The following SHROOM2 variants were observed in gnomAD, a reference collection of about 807,000 sequenced individuals.
SHROOM2 encodes shroom family member 2, also known as protein Shroom2.
Under a neutral mutation model 75.9 loss-of-function variants are expected in SHROOM2, and 33 were observed. That is an observed-to-expected ratio of 0.43 (90% confidence interval 0.33 to 0.58). SHROOM2 has a LOEUF of 0.58. Among genes scored for constraint, SHROOM2 ranks in the 20% least tolerant of loss-of-function variants. SHROOM2 has a pLI of 0.04. For missense variants in SHROOM2, 1,434 were observed against 1,461.2 expected, an observed-to-expected ratio of 0.98 and a Z score of 0.30; for synonymous variants, 655 against 663.6, an observed-to-expected ratio of 0.99 and a Z score of 0.20.
In SHROOM2 at chrX:9,851,454, TTTTTC is replaced by T. The variant is rs1422320851; in HGVS notation, c.166-22193_166-22189del. On this transcript the variant is annotated intron_variant, in intron 1 of 9. Coordinates refer to ENST00000380913, the MANE Select transcript of SHROOM2 (RefSeq NM_001649.4). ...TTTCAACCAGGATATTGCTTTTTTT[TTTTTC>T]TTTTTTTTTTGGATAGAGTCTCATT... Among the ~76,000 whole-genome samples, 159 of 75,470 alleles carry T rather than the reference TTTTTC, an allele frequency of 2.1e-3. 4 individuals are homozygous for T. Among genetic ancestry groups the T allele is most frequent in the Non-Finnish European group, 3.2e-3 (133 of 41,050 alleles). The allele number at this position is 75,470 out of a possible 115,157, so 65.5% of individuals were successfully genotyped here. A position where few individuals can be genotyped will look rare whatever the true frequency, so the allele number is the denominator to read the frequency against.
chrX:9,932,590 GATGTGT>G lies in SHROOM2; in HGVS notation c.3313_3318del (p.Tyr1105_Val1106del). 1.7e-6 allele frequency: 2 copies of G among 1,211,811 alleles called. No individual in the cohort carries two copies. Among genetic ancestry groups the G allele is most frequent in the Non-Finnish European group, 2.2e-6 (2 of 895,498 alleles). Reference sequence around the variant, plus strand: ...CCCAACGCCATCCCCTGCGTCCCTGGATGTGTATGTGGCCCGCCTGTCCCTCTCCCA... The same window carrying G: ...CCCAACGCCATCCCCTGCGTCCCTGGATGTGGCCCGCCTGTCCCTCTCCCA... On this transcript the variant is annotated inframe_deletion, in exon 6 of 10. Coordinates refer to ENST00000380913, the MANE Select transcript of SHROOM2 (RefSeq NM_001649.4).
intron 2 of SHROOM2, among the ~76,000 whole-genome samples, chrX:9,884,854 A>G (rs1052614596): frequency 9.0e-6 from 1 of 111,152 alleles, no homozygotes; most frequent in Non-Finnish European, 1.9e-5. Flanking sequence ...TGTCGATACC[A>G]TGGTGTTTTG....
chrX:9,789,511 G>A lies in SHROOM2; in HGVS notation c.165+2801G>A, dbSNP rs767132841. On this transcript the variant is annotated intron_variant, in intron 1 of 9. Transcript: ENST00000380913. ...TCCATGCTGTAGGAATCTATGTAACGGAAGTAGAGATGGTGGATATATGTG... is the reference window on the plus strand; with the variant it reads ...TCCATGCTGTAGGAATCTATGTAACAGAAGTAGAGATGGTGGATATATGTG... Among the ~76,000 whole-genome samples the A allele has an allele frequency of 4.5e-5, 5 of 111,512 alleles. No individual in the cohort carries two copies. In the East Asian group the frequency reaches 8.4e-4, roughly 19 times the overall value.
chrX:9,859,632 G>C (rs1371085570), intron 1 of SHROOM2, among the ~76,000 whole-genome samples: 2 of 111,594 alleles, frequency 1.8e-5, no homozygotes, highest in African/African-American at 3.3e-5. Context: ...GGGGGTGCAT[G>C]GTGTTTCCAG....
intron 5 of SHROOM2, among the ~76,000 whole-genome samples, chrX:9,899,167 C>A (rs1295928675): frequency 9.1e-6 from 1 of 110,142 alleles, no homozygotes; most frequent in African/African-American, 3.3e-5. Context: ...CTCGTTCAAG[C>A]ACGAGAATCG....
At chrX:9,936,314 G>A (rs1367642990) in intron 6 of SHROOM2, among the ~76,000 whole-genome samples, 1 of 110,012 alleles carries the variant, frequency 9.1e-6, no homozygotes, top group Admixed American at 9.7e-5. Context: ...GTTTCTCCAT[G>A]TTAGCCAGGT....
intron 8 of SHROOM2, among the ~76,000 whole-genome samples, chrX:9,939,576 G>A (rs1178668081): frequency 1.8e-5 from 2 of 112,021 alleles, no homozygotes; most frequent in Non-Finnish European, 3.8e-5. Context: ...TTCCACAAAC[G>A]TCTCTTTGCT....
Position 9,947,000 on chromosome X carries a change from T to TA in SHROOM2, c.*64dup. 1 of 1,070,618 alleles carries TA rather than the reference T, an allele frequency of 9.3e-7. No homozygotes were observed. Among genetic ancestry groups the TA allele is most frequent in the Non-Finnish European group, 1.2e-6 (1 of 802,102 alleles). 88.2% of individuals were successfully genotyped at this position (1,070,618 alleles called of 1,213,427 possible). A position where few individuals can be genotyped will look rare whatever the true frequency, so the allele number is the denominator to read the frequency against. On this transcript the variant is annotated 3_prime_UTR_variant, in exon 10 of 10. Transcript: ENST00000380913. ...CGAGCTCCAGCTCCGTTCCCAAGGA[T>TA]ACTCGTGAAGACCCCATCTGTGTTC...
chrX:9,923,061 C>G (rs954367590), intron 5 of SHROOM2, among the ~76,000 whole-genome samples: 8 of 111,829 alleles, frequency 7.2e-5, no homozygotes, highest in Admixed American at 1.9e-4. Context: ...GAAGGGAACA[C>G]TAAGGGAGAG....
rs371247880 is a variant in SHROOM2 at position 9,942,959 on chromosome X, CG to C, written c.4312-1680del. Among the ~76,000 whole-genome samples the C allele has an allele frequency of 2.0e-3, 225 of 111,179 alleles. 1 individual carries two copies. The highest frequency in any genetic ancestry group is 6.9e-3 in the African/African-American group (210 of 30,572). ...TCTTAAGACCTGCATTCATTCAAGG[CG>C]GTGGAGGATTTCTTTATGGAAAGGT... On this transcript the variant is annotated intron_variant, in intron 8 of 9. Coordinates refer to ENST00000380913, the MANE Select transcript of SHROOM2 (RefSeq NM_001649.4).
Position 9,948,526 on chromosome X carries a change from G to A in SHROOM2, c.*1589G>A, listed in dbSNP as rs891605451. ...ACCACAGCCTTACCAAAGCAGACGC[G>A]TGCGCGTGCACAGATGCACACACAC... On this transcript the variant is annotated 3_prime_UTR_variant, in exon 10 of 10. Transcript: ENST00000380913. 1 of 112,906 alleles carries A rather than the reference G, an allele frequency of 8.9e-6. No individual in the cohort carries two copies. Among genetic ancestry groups the A allele is most frequent in the Admixed American group, 9.4e-5 (1 of 10,642 alleles). The allele number at this position is 112,906 out of a possible 1,213,427, so 9.3% of individuals were successfully genotyped here.
intron 5 of SHROOM2, among the ~76,000 whole-genome samples, chrX:9,931,690 T>G (rs1246517786): frequency 9.0e-6 from 1 of 111,283 alleles, no homozygotes; most frequent in African/African-American, 3.3e-5. Context: ...ACAATACTGA[T>G]TTTCAAGGTT....
intron 1 of SHROOM2, among the ~76,000 whole-genome samples, chrX:9,797,626 G>A (rs1323338566): frequency 1.8e-5 from 2 of 112,330 alleles, no homozygotes; most frequent in Non-Finnish European, 3.8e-5. Flanking sequence ...ACGCCCATTG[G>A]CGTCTTTCCA....
intron 5 of SHROOM2, among the ~76,000 whole-genome samples, chrX:9,899,524 A>C (rs2084354047): frequency 8.9e-6 from 1 of 112,151 alleles, no homozygotes; most frequent in Non-Finnish European, 1.9e-5. Flanking sequence ...GTTTGCTTTC[A>C]AGAGCCTCAT....
chrX:9,898,256 G>A lies in SHROOM2; in HGVS notation c.2857G>A (p.Ala953Thr), dbSNP rs144840238. Residue 953 changes from alanine (A) to threonine (T), a missense_variant, in exon 5 of 10, where the codon GCA (alanine) becomes ACA (threonine). By Grantham distance (58) the Ala-to-Thr change is moderately conservative. Coordinates refer to ENST00000380913, the MANE Select transcript of SHROOM2 (RefSeq NM_001649.4). ...CGAGCCCAGAGAAGAGCTTCCCTCC[G>A]CAGTCCGGGCCGAGGAGGGACAGTC... ...PGEPREELPS[A>T]VRAEEGQSTP... is the part of the protein sequence containing the mutation. The A allele has an allele frequency of 1.4e-4, 160 of 1,182,350 alleles. 1 individual carries two copies. The highest frequency in any genetic ancestry group is 3.3e-4 in the African/African-American group (19 of 56,764).
intron 1 of SHROOM2, among the ~76,000 whole-genome samples, chrX:9,798,213 G>A (rs2083705363): frequency 1.8e-5 from 2 of 110,989 alleles, no homozygotes; most frequent in South Asian, 7.6e-4. Flanking sequence ...GGGAGAGCAG[G>A]GGCCCAAGTC....
At chrX:9,848,899 G>C (rs755842849) in intron 1 of SHROOM2, among the ~76,000 whole-genome samples, 30 of 111,261 alleles carry the variant, frequency 2.7e-4, no homozygotes, top group African/African-American at 9.8e-4. Context: ...GGGATGCCTG[G>C]ATTCCCTTCC....
Position 9,939,216 on chromosome X carries a change from T to C in SHROOM2, c.4161T>C (p.Pro1387=), listed in dbSNP as rs1416038809. 1 of 1,207,819 alleles carries C rather than the reference T, an allele frequency of 8.3e-7. No homozygotes were observed. The highest frequency in any genetic ancestry group is 1.8e-5 in the South Asian group (1 of 56,115). Residue 1387 remains proline, a synonymous_variant, in exon 8 of 10, where the codon CCT becomes CCC. Transcript: ENST00000380913. ...CCAGGAAAGAGGAGCCCAGCGTGCC[T>C]GCGGCCGTGTCCCTGGCCACCAATT... is the stretch of plus-strand genomic sequence containing the variant. ...TEERKEEPSV[P]AAVSLATNST...
chrX:9,846,241 T>A (rs2084005790), intron 1 of SHROOM2, among the ~76,000 whole-genome samples: 1 of 109,566 alleles, frequency 9.1e-6, no homozygotes, highest in Non-Finnish European at 1.9e-5. Flanking sequence ...TGCCTCAGCC[T>A]CCTGAGTAGC....
Sources: allele counts gnomAD v4.1 joint callset (sites outside exome capture counted in the v4.1 genomes callset), GRCh38; gene constraint gnomAD v4.1.1; transcripts MANE v1.5; gene names NCBI Gene and HGNC (gene_info 2026-07-23, HGNC 2026-07-21).